The following ELP4 variants were observed in gnomAD, a reference collection of about 807,000 sequenced individuals.
The protein encoded by ELP4 is elongator acetyltransferase complex subunit 4.
ELP4 carries 51 observed loss-of-function variants against 48.9 expected under a neutral mutation model. The observed-to-expected ratio is 1.04, with a 90% confidence interval of 0.83 to 1.32. ELP4 has a LOEUF of 1.32. Among genes scored for constraint, ELP4 ranks in the 40% most tolerant of loss-of-function variants. The pLI is 0.00. For missense variants in ELP4, 519 were observed against 514.6 expected (o/e 1.01, Z -0.08); for synonymous variants, 210 against 189.2 (o/e 1.11, Z -0.90).
At chr11:31,640,141 A>G (rs1186306660) in intron 7 of ELP4, among the ~76,000 whole-genome samples, 1 of 151,966 alleles carries the variant, frequency 6.6e-6, no homozygotes, top group Non-Finnish European at 1.5e-5. Context: ...TGAATATGGT[A>G]GGAGAAAAAG....
chr11:31,742,320 C>A (rs917709437), intron 9 of ELP4, among the ~76,000 whole-genome samples: 1 of 152,180 alleles, frequency 6.6e-6, no homozygotes, highest in African/African-American at 2.4e-5. Context: ...GGAAAACACT[C>A]TGCAGGATAT....
chr11:31,558,196 C>T (rs1255676175), intron 3 of ELP4, among the ~76,000 whole-genome samples: 1 of 151,236 alleles, frequency 6.6e-6, no homozygotes, highest in Non-Finnish European at 1.5e-5. Context: ...TCTAAGTTCT[C>T]CCTTGGCAGT....
At chr11:31,705,331 T>A (rs1168248455) in intron 9 of ELP4, among the ~76,000 whole-genome samples, 2 of 152,152 alleles carry the variant, frequency 1.3e-5, no homozygotes, top group African/African-American at 4.8e-5. Flanking sequence ...CCCACCCTGA[T>A]GACCTTATCT....
intron 9 of ELP4, among the ~76,000 whole-genome samples, chr11:31,771,519 C>T (rs375279518): frequency 2.6e-5 from 4 of 152,214 alleles, no homozygotes; most frequent in Non-Finnish European, 5.9e-5. Flanking sequence ...CTGCGTACCA[C>T]GCCAAACTTC....
intron 9 of ELP4, among the ~76,000 whole-genome samples, chr11:31,659,848 T>G (rs1238227075): frequency 6.6e-6 from 1 of 151,824 alleles, no homozygotes; most frequent in Non-Finnish European, 1.5e-5. Context: ...AAAAATTAGC[T>G]GGGCGTGGTG....
At chr11:31,563,648 A>G (rs940734070) in intron 3 of ELP4, among the ~76,000 whole-genome samples, 1 of 152,120 alleles carries the variant, frequency 6.6e-6, no homozygotes, top group African/African-American at 2.4e-5. Flanking sequence ...TTCTTTATTC[A>G]TATTAATTTT....
chr11:31,614,060 G>A (rs754578465), intron 5 of ELP4, among the ~76,000 whole-genome samples: 3 of 151,820 alleles, frequency 2.0e-5, no homozygotes, highest in Non-Finnish European at 4.4e-5. Context: ...CAAATTATGG[G>A]CCTAATCATT....
At chr11:31,539,024 G>C (rs574859330) in intron 2 of ELP4, among the ~76,000 whole-genome samples, 1 of 152,218 alleles carries the variant, frequency 6.6e-6, no homozygotes, top group East Asian at 1.9e-4. Context: ...TTAAGTATTG[G>C]TATTATTTTT....
chr11:31,774,289 A>C (rs1186734314), intron 9 of ELP4, among the ~76,000 whole-genome samples: 1 of 152,224 alleles, frequency 6.6e-6, no homozygotes, highest in Non-Finnish European at 1.5e-5. Context: ...GTGGGAAGGC[A>C]ATACCCTTAA....
At position 31,603,907 on chromosome 11, in the gene ELP4, G is replaced by A; in HGVS notation, c.653G>A (p.Cys218Tyr). The change falls in exon 5 of 10, where the codon TGT (cysteine) becomes TAT (tyrosine). Residue 218 changes from cysteine (C) to tyrosine (Y), a missense_variant and splice_region_variant. Physicochemically the swap from Cys to Tyr is radical, Grantham distance 194. Coordinates refer to ENST00000640961, the MANE Select transcript of ELP4 (RefSeq NM_019040.5). ...TCTTCAACTCTCAAAGTAGAACCCT[G>A]GTAAGTTAATGACCCATTTAATAAC... ...KISSTLKVEP[C>Y]SLTPGYTKLL... is the part of the protein sequence containing the mutation. 1 of 1,608,334 alleles carries A rather than the reference G, an allele frequency of 6.2e-7. No individual in the cohort carries two copies. Among genetic ancestry groups the A allele is most frequent in the Non-Finnish European group, 8.5e-7 (1 of 1,176,614 alleles).
At chr11:31,584,322 C>A (rs1340140802) in intron 3 of ELP4, among the ~76,000 whole-genome samples, 1 of 151,874 alleles carries the variant, frequency 6.6e-6, no homozygotes, top group Non-Finnish European at 1.5e-5. Flanking sequence ...AATCTGGAAA[C>A]CTTTTCCTTT....
intron 7 of ELP4, chr11:31,646,259 ATTAAGAATAATTATTTTTACTGATTC>A (rs1945194826): frequency 6.6e-6 from 1 of 151,788 alleles, no homozygotes; most frequent in African/African-American, 2.4e-5. Context: ...ATTAAAGACA[ATTAAGAATAATTATTTTTACTGATTC>A]TTTTTAACAA....
At chr11:31,531,148 C>G (rs376430737) in intron 2 of ELP4, among the ~76,000 whole-genome samples, 1 of 152,116 alleles carries the variant, frequency 6.6e-6, no homozygotes, top group East Asian at 1.9e-4. Context: ...TTAGTTTTTC[C>G]TGCCTCATAT....
intron 9 of ELP4, chr11:31,767,440 C>T (rs1948065469): frequency 6.6e-6 from 1 of 151,588 alleles, no homozygotes; most frequent in Admixed American, 6.6e-5. Flanking sequence ...GGGGAAATCC[C>T]CCACATATAA....
intron 3 of ELP4, among the ~76,000 whole-genome samples, chr11:31,576,356 C>T (rs1041953896): frequency 2.6e-5 from 4 of 152,266 alleles, no homozygotes; most frequent in African/African-American, 9.6e-5. Context: ...ACTTTAACAC[C>T]TGACTGTCAA....
intron 9 of ELP4, among the ~76,000 whole-genome samples, chr11:31,716,401 C>A (rs747308113): frequency 5.3e-5 from 8 of 152,282 alleles, no homozygotes; most frequent in Non-Finnish European, 1.0e-4. Flanking sequence ...CTTTTACATT[C>A]TGTCTCTTTA....
chr11:31,665,972 C>T (rs1736513763), intron 9 of ELP4, among the ~76,000 whole-genome samples: 1 of 142,908 alleles, frequency 7.0e-6, no homozygotes, highest in African/African-American at 2.6e-5. Context: ...CTCACTTTAA[C>T]ATAAAATGTT....
At chr11:31,549,462 G>A (rs1238982609) in intron 3 of ELP4, among the ~76,000 whole-genome samples, 1 of 151,962 alleles carries the variant, frequency 6.6e-6, no homozygotes, top group Non-Finnish European at 1.5e-5. Context: ...AGTTAGAATG[G>A]CAATCATTAA....
At chr11:31,779,400 G>C (rs956636078) in intron 9 of ELP4, among the ~76,000 whole-genome samples, 2 of 152,294 alleles carry the variant, frequency 1.3e-5, no homozygotes, top group East Asian at 1.9e-4. Flanking sequence ...GGGAGAAACG[G>C]AATTAGGAAG....
Sources: allele counts gnomAD v4.1 joint callset (sites outside exome capture counted in the v4.1 genomes callset), GRCh38; gene constraint gnomAD v4.1.1; transcripts MANE v1.5; gene names NCBI Gene and HGNC (gene_info 2026-07-23, HGNC 2026-07-21).